The following GRAMD4 variants were observed in gnomAD, a reference collection of about 807,000 sequenced individuals.
GRAMD4 encodes GRAM domain-containing protein 4.
Under a neutral mutation model 83.9 loss-of-function variants are expected in GRAMD4, and 25 were observed. The observed-to-expected ratio is 0.30, with a 90% confidence interval of 0.22 to 0.42. GRAMD4 has a LOEUF of 0.42. Among genes scored for constraint, GRAMD4 ranks in the 10% least tolerant of loss-of-function variants. GRAMD4 has a pLI of 1.00. For synonymous variants in GRAMD4, 336 were observed against 320.9 expected, an observed-to-expected ratio of 1.05 and a Z score of -0.50; for missense variants, 593 against 788.7, an observed-to-expected ratio of 0.75 and a Z score of 2.97.
intron 1 of GRAMD4, among the ~76,000 whole-genome samples, chr22:46,594,081 A>T (rs897531557): frequency 6.6e-6 from 1 of 151,460 alleles, no homozygotes; most frequent in African/African-American, 2.4e-5. Flanking sequence ...CGTCAAGCAG[A>T]AGCCAGCCTT....
chr22:46,581,614 G>A (rs1170480767), intron 1 of GRAMD4, among the ~76,000 whole-genome samples: 1 of 152,264 alleles, frequency 6.6e-6, no homozygotes, highest in African/African-American at 2.4e-5. Context: ...GATTCGGACA[G>A]CATGTCCTGC....
chr22:46,652,809 G>A (rs1479806351), intron 3 of GRAMD4, among the ~76,000 whole-genome samples: 1 of 152,182 alleles, frequency 6.6e-6, no homozygotes, highest in Non-Finnish European at 1.5e-5. Flanking sequence ...GCTGGAAATC[G>A]GCCCTCCTGT....
chr22:46,658,069 C>T (rs1238775246), intron 3 of GRAMD4, 118 bp from the exon 4 acceptor site: 8 of 1,278,148 alleles, frequency 6.3e-6, no homozygotes, highest in African/African-American at 1.5e-5. Flanking sequence ...TGCTCAGGTC[C>T]GCTTACGGAG....
Position 46,659,436 on chromosome 22 carries a change from G to GC in GRAMD4, c.404+1134dup, listed in dbSNP as rs2082295871. ...ACCATTGGCCACACCTTTGTCTGTGGCCCCCATGACCTGCATGGATGGCTG... is the reference window on the plus strand; with the variant it reads ...ACCATTGGCCACACCTTTGTCTGTGGCCCCCCATGACCTGCATGGATGGCTG... On this transcript the variant is annotated intron_variant, in intron 4 of 18. Coordinates refer to ENST00000406902, the MANE Select transcript of GRAMD4 (RefSeq NM_015124.5). This position sits in a 1 kb window ranked among gnomAD's most constrained non-coding sequence, Gnocchi z 4.1. Among the ~76,000 whole-genome samples, 2 of 152,280 alleles carry GC rather than the reference G, an allele frequency of 1.3e-5. No individual in the cohort carries two copies. The highest frequency in any genetic ancestry group is 2.9e-5 in the Non-Finnish European group (2 of 68,028).
In GRAMD4 at chr22:46,628,319, G is replaced by C. The variant is rs116486538; in HGVS notation, c.162+1358G>C. On this transcript the variant is annotated intron_variant, in intron 2 of 18. Transcript: ENST00000406902. ...TGTGAGTACCTGTCCTTGTCCCCTG[G>C]TGTGGGCTGGGGTTTCGTCCCTGTC... Among the ~76,000 whole-genome samples the C allele has an allele frequency of 1.5e-3, 231 of 152,314 alleles. 1 individual carries two copies. The highest frequency in any genetic ancestry group is 5.2e-3 in the African/African-American group (217 of 41,562).
chr22:46,680,421 G>A (rs917118940), downstream of GRAMD4, among the ~76,000 whole-genome samples: 1 of 151,964 alleles, frequency 6.6e-6, no homozygotes, highest in African/African-American at 2.4e-5. Context: ...CAAGGGAGCT[G>A]GAGCCAGGCG....
chr22:46,652,998 T>C (rs1035722478), intron 3 of GRAMD4, among the ~76,000 whole-genome samples: 16 of 152,118 alleles, frequency 1.1e-4, no homozygotes, highest in African/African-American at 3.9e-4. Context: ...CATTTCAGTT[T>C]CGGGAGAGAC....
intron 2 of GRAMD4, among the ~76,000 whole-genome samples, chr22:46,635,971 G>A (rs2081880594): frequency 6.6e-6 from 1 of 152,182 alleles, no homozygotes; most frequent in Non-Finnish European, 1.5e-5. Flanking sequence ...GCGTGTGGGA[G>A]CGCCCAGGCC....
At position 46,622,152 on chromosome 22, in the gene GRAMD4, G is replaced by C. The variant is rs1011477487; in HGVS notation, c.-50+1587G>C. ...TGTCCCCTCTCTCATTGCCTCATTTGCTTGCCTGAGGTGATTGGGAAGGCA... is the reference window on the plus strand; with the variant it reads ...TGTCCCCTCTCTCATTGCCTCATTTCCTTGCCTGAGGTGATTGGGAAGGCA... On this transcript the variant is annotated intron_variant, in intron 1 of 18. Coordinates refer to ENST00000406902, the MANE Select transcript of GRAMD4 (RefSeq NM_015124.5). This position sits in a 1 kb window ranked among gnomAD's most constrained non-coding sequence, Gnocchi z 4.0. Among the ~76,000 whole-genome samples the C allele has an allele frequency of 1.3e-5, 2 of 152,124 alleles. No homozygotes were observed. Among genetic ancestry groups the C allele is most frequent in the Non-Finnish European group, 2.9e-5 (2 of 68,020 alleles).
chr22:46,627,533 T>C (rs1296159107), intron 2 of GRAMD4, among the ~76,000 whole-genome samples: 1 of 152,174 alleles, frequency 6.6e-6, no homozygotes, highest in Admixed American at 6.5e-5. Flanking sequence ...GAGCAGGCCC[T>C]GCCTTGCAGA....
At chr22:46,576,618 C>T (rs1194946899), upstream of GRAMD4, among the ~76,000 whole-genome samples, 1 of 152,208 alleles carries the variant, frequency 6.6e-6, no homozygotes, top group Non-Finnish European at 1.5e-5. Context: ...CCGTACAGCG[C>T]GGGCTGCAGG....
downstream of GRAMD4, among the ~76,000 whole-genome samples, chr22:46,680,037 C>T (rs1001461440): frequency 6.6e-6 from 1 of 152,198 alleles, no homozygotes; most frequent in Non-Finnish European, 1.5e-5. Context: ...GGCCTGAGTT[C>T]CAGAAGACAG....
intron 1 of GRAMD4, among the ~76,000 whole-genome samples, chr22:46,577,634 AG>A (rs1256628162): frequency 6.8e-6 from 1 of 147,034 alleles, no homozygotes; most frequent in Non-Finnish European, 1.5e-5. Flanking sequence ...GGGCCACTGG[AG>A]GGGGACGGTA....
chr22:46,589,908 C>G (rs1283558210), intron 1 of GRAMD4, among the ~76,000 whole-genome samples: 1 of 152,206 alleles, frequency 6.6e-6, no homozygotes, highest in Non-Finnish European at 1.5e-5. Context: ...AACACCCTTT[C>G]TGCAGCTTTC....
upstream of GRAMD4, among the ~76,000 whole-genome samples, chr22:46,576,251 C>T (rs940660321): frequency 4.6e-5 from 7 of 152,224 alleles, no homozygotes; most frequent in Non-Finnish European, 1.0e-4. Flanking sequence ...CACCCCAACT[C>T]CTCGCAACCA....
At chr22:46,635,815 G>A (rs35449204) in intron 2 of GRAMD4, among the ~76,000 whole-genome samples, 10,123 of 126,176 alleles carry the variant, frequency 0.08, 526 homozygotes, top group African/African-American at 0.13. Context: ...CCGGCCACTG[G>A]ATGACTCTGG....
intron 10 of GRAMD4, among the ~76,000 whole-genome samples, chr22:46,667,586 C>T (rs1601672525): frequency 6.6e-6 from 1 of 152,198 alleles, no homozygotes; most frequent in Non-Finnish European, 1.5e-5. Context: ...TGGGCGTGGG[C>T]AGAAGGGAGG....
At chr22:46,593,482 G>A (rs1473552015) in intron 1 of GRAMD4, among the ~76,000 whole-genome samples, 3 of 152,174 alleles carry the variant, frequency 2.0e-5, no homozygotes, top group Non-Finnish European at 2.9e-5. Context: ...AACCCCTGCC[G>A]CAGGGCCTAC....
At chr22:46,593,776 T>C (rs1486330582) in intron 1 of GRAMD4, among the ~76,000 whole-genome samples, 3 of 151,990 alleles carry the variant, frequency 2.0e-5, no homozygotes, top group South Asian at 4.1e-4. Context: ...CAGGCTGGAG[T>C]GCAGTGGCGC....
Sources: gnomAD v4.1 joint callset for allele counts (sites outside exome capture counted in the v4.1 genomes callset) on GRCh38, gnomAD v4.1.1 for gene constraint, Gnocchi (gnomAD v3.1) non-coding constraint, MANE v1.5 for transcripts, NCBI Gene and HGNC (gene_info 2026-07-23, HGNC 2026-07-21) for gene names.